Variants in UBE3D observed in about 807,000 individuals in gnomAD.
UBE3D encodes the protein E3 ubiquitin-protein ligase E3D.
Under a neutral mutation model 49.6 loss-of-function variants are expected in UBE3D, and 48 were observed. The ratio of observed to expected loss-of-function variants is 0.97; its 90% CI spans 0.77 to 1.23. The LOEUF is 1.23. Ranked by LOEUF, UBE3D falls within the 50% of genes most tolerant of loss-of-function variation. UBE3D has a pLI of 0.00. For synonymous variants in UBE3D, 189 were observed against 174.2 expected (o/e 1.08, Z -0.67); for missense variants, 452 against 468.4 (o/e 0.96, Z 0.32).
At chr6:82,940,591 G>C (rs1774934156) in intron 9 of UBE3D, among the ~76,000 whole-genome samples, 1 of 152,106 alleles carries the variant, frequency 6.6e-6, no homozygotes, top group South Asian at 2.1e-4. Flanking sequence ...AAAATTCTAG[G>C]GAGTGCCTGC....
At chr6:82,929,553 G>A (rs567394870) in intron 9 of UBE3D, among the ~76,000 whole-genome samples, 1 of 151,372 alleles carries the variant, frequency 6.6e-6, no homozygotes, top group Non-Finnish European at 1.5e-5. Flanking sequence ...ACTTTAGTGG[G>A]TTTTTTTGTT....
intron 8 of UBE3D, among the ~76,000 whole-genome samples, chr6:82,965,989 T>A (rs1003683020): frequency 6.6e-6 from 1 of 152,198 alleles, no homozygotes; most frequent in African/African-American, 2.4e-5. Context: ...ATCCACAATA[T>A]AATTTATTAC....
Position 82,933,691 on chromosome 6 carries a change from T to G in UBE3D, c.1149+23621A>C, listed in dbSNP as rs143463949. Among the ~76,000 whole-genome samples the G allele has an allele frequency of 1.3e-3, 205 of 152,300 alleles. 5 individuals carry two copies. In the East Asian group the frequency reaches 0.03, roughly 22 times the overall value. On this transcript the variant is annotated intron_variant, in intron 9 of 9. Transcript: ENST00000369747. The stretch of plus-strand genomic sequence containing the variant: ...TGGGAAGGGCAGTTGTTATTTTCCT[T>G]CTACAGATACGAAATGAAAACAAAG...
At chr6:82,969,419 C>G (rs1476115411) in intron 8 of UBE3D, among the ~76,000 whole-genome samples, 2 of 151,936 alleles carry the variant, frequency 1.3e-5, no homozygotes, top group African/African-American at 2.4e-5. Context: ...CCAACCTGGG[C>G]AACATAGTGA....
At chr6:82,921,462 T>C (rs1773331849) in intron 9 of UBE3D, among the ~76,000 whole-genome samples, 1 of 152,118 alleles carries the variant, frequency 6.6e-6, no homozygotes, top group Admixed American at 6.6e-5. Context: ...CCTGGAGCCA[T>C]GCAAAATAGC....
intron 8 of UBE3D, among the ~76,000 whole-genome samples, chr6:82,963,448 A>C (rs1776696210): frequency 6.6e-6 from 1 of 152,156 alleles, no homozygotes; most frequent in Non-Finnish European, 1.5e-5. Flanking sequence ...TTTATTAAGG[A>C]GTGTTAACTC....
intron 8 of UBE3D, among the ~76,000 whole-genome samples, chr6:82,961,717 T>A (rs893137222): frequency 2.6e-5 from 4 of 152,192 alleles, no homozygotes; most frequent in Admixed American, 2.6e-4. Flanking sequence ...GATCTTTTTT[T>A]AAGAAGTTAT....
chr6:83,045,287 C>T (rs1247400889), intron 3 of UBE3D, among the ~76,000 whole-genome samples: 1 of 151,654 alleles, frequency 6.6e-6, no homozygotes, highest in Admixed American at 6.6e-5. Flanking sequence ...CTTCCACTCA[C>T]CCTTTTCATA....
At chr6:82,907,252 G>A (rs1772169145) in intron 9 of UBE3D, among the ~76,000 whole-genome samples, 1 of 152,166 alleles carries the variant, frequency 6.6e-6, no homozygotes, top group Non-Finnish European at 1.5e-5. Context: ...GGGGCTGTAA[G>A]CACTGGAAGG....
chr6:82,945,328 T>C (rs1015449536), intron 9 of UBE3D, among the ~76,000 whole-genome samples: 3 of 152,120 alleles, frequency 2.0e-5, no homozygotes, highest in Admixed American at 1.3e-4. Flanking sequence ...ACTCCATTTG[T>C]TTAGAAGAAA....
the UBE3D span, among the ~76,000 whole-genome samples, chr6:82,885,097 A>C: frequency 6.6e-6 from 1 of 152,094 alleles, no homozygotes; most frequent in African/African-American, 2.4e-5. Flanking sequence ...AGCTGACTGG[A>C]GATGGAAAAC....
intron 5 of UBE3D, chr6:83,036,732 T>A (rs1782287073): frequency 6.6e-6 from 1 of 151,914 alleles, no homozygotes; most frequent in South Asian, 2.1e-4. Flanking sequence ...TCTTTTTTTT[T>A]TTTTTTAAGA....
At chr6:83,047,628 G>A (rs981606635) in intron 3 of UBE3D, among the ~76,000 whole-genome samples, 5 of 152,208 alleles carry the variant, frequency 3.3e-5, no homozygotes, top group African/African-American at 1.2e-4. Context: ...AAGGAATGTG[G>A]CCTGTGGTAG....
intron 9 of UBE3D, among the ~76,000 whole-genome samples, chr6:82,952,530 T>A (rs763868022): frequency 1.3e-5 from 2 of 152,020 alleles, no homozygotes; most frequent in Non-Finnish European, 2.9e-5. Context: ...GCTCAAGCAA[T>A]CCTCCTACTT....
At chr6:82,956,425 G>T (rs1177902917) in intron 9 of UBE3D, among the ~76,000 whole-genome samples, 1 of 152,054 alleles carries the variant, frequency 6.6e-6, no homozygotes, top group African/African-American at 2.4e-5. Flanking sequence ...TCTTCCTGTT[G>T]GTCATCTTGC....
chr6:82,907,751 T>C (rs947708524), intron 9 of UBE3D, among the ~76,000 whole-genome samples: 84 of 152,150 alleles, frequency 5.5e-4, no homozygotes, highest in African/African-American at 1.9e-3. Context: ...GAGTGTAAAA[T>C]GGCACATGCA....
chr6:82,968,203 G>A (rs983557023), intron 8 of UBE3D, among the ~76,000 whole-genome samples: 1 of 152,218 alleles, frequency 6.6e-6, no homozygotes, highest in Non-Finnish European at 1.5e-5. Context: ...ATGTAATCAA[G>A]TTTTTGTATT....
chr6:82,892,273 G>A (rs1385084091), downstream of UBE3D: 1 of 152,216 alleles, frequency 6.6e-6, no homozygotes, highest in Non-Finnish European at 1.5e-5. Flanking sequence ...AGTCTCAAAC[G>A]TTCCTTGTGA....
intron 9 of UBE3D, among the ~76,000 whole-genome samples, chr6:82,915,187 A>T (rs536531520): frequency 6.6e-5 from 10 of 152,322 alleles, no homozygotes; most frequent in African/African-American, 2.2e-4. Flanking sequence ...GAAGCAGTAT[A>T]TTTGGTCATT....
Sources: allele counts gnomAD v4.1 joint callset (sites outside exome capture counted in the v4.1 genomes callset), GRCh38; gene constraint gnomAD v4.1.1; transcripts MANE v1.5; gene names NCBI Gene and HGNC (gene_info 2026-07-23, HGNC 2026-07-21).